Variants in ENTPD1 observed in about 807,000 individuals in gnomAD.
The protein encoded by ENTPD1 is ATP diphosphohydrolase.
ENTPD1 carries 33 observed loss-of-function variants against 57.0 expected under a neutral mutation model. The ratio of observed to expected loss-of-function variants is 0.58; its 90% CI spans 0.44 to 0.77. ENTPD1 has a LOEUF of 0.77. ENTPD1 is among the 30% of genes least tolerant of loss of function. The pLI is 0.00. For missense variants in ENTPD1, 501 were observed against 603.4 expected (o/e 0.83, Z 1.78); for synonymous variants, 202 against 218.8 (o/e 0.92, Z 0.68).
chr10:95,815,730 TC>T (rs770078685), intron 1 of ENTPD1, among the ~76,000 whole-genome samples: 4 of 152,074 alleles, frequency 2.6e-5, no homozygotes, highest in Non-Finnish European at 5.9e-5. Flanking sequence ...TCTTGCCTCA[TC>T]AGAAGAAAGA....
intron 1 of ENTPD1, chr10:95,712,050 G>A (rs2097966139): frequency 1.2e-6 from 2 of 1,611,520 alleles, no homozygotes; most frequent in Admixed American, 1.7e-5. Flanking sequence ...GAATCTGGTA[G>A]AGCCGATGGT....
chr10:95,815,137 T>C (rs570877339), intron 1 of ENTPD1, among the ~76,000 whole-genome samples: 7 of 152,324 alleles, frequency 4.6e-5, no homozygotes, highest in South Asian at 2.1e-4. Flanking sequence ...TGGAGAAATA[T>C]GGGGTTGGGG....
At position 95,866,206 on chromosome 10, in the gene ENTPD1, G is replaced by A. The variant is rs372922890; in HGVS notation, c.1356G>A (p.Leu452=). 3.1e-6 allele frequency: 5 copies of A among 1,613,940 alleles called. No individual in the cohort carries two copies. Among genetic ancestry groups the A allele is most frequent in the Non-Finnish European group, 4.2e-6 (5 of 1,179,992 alleles). Residue 452 remains leucine, a synonymous_variant, in exon 10 of 10, where the codon TTG becomes TTA. Transcript: ENST00000371205. Reference sequence around the variant, plus strand: ...AGGGCAGCGACGCCGGCTGGACTTTGGGCTACATGCTGAACCTGACCAACA... The same window carrying A: ...AGGGCAGCGACGCCGGCTGGACTTTAGGCTACATGCTGAACCTGACCAACA... ...KIQGSDAGWT[L]GYMLNLTNMI...
At chr10:95,854,857 G>A (rs1012677614) in intron 7 of ENTPD1, among the ~76,000 whole-genome samples, 10 of 152,172 alleles carry the variant, frequency 6.6e-5, no homozygotes, top group Admixed American at 2.6e-4. Flanking sequence ...TTCCAACTAT[G>A]TGGTCAATTT....
chr10:95,794,232 T>C (rs1265547027), intron 1 of ENTPD1, among the ~76,000 whole-genome samples: 1 of 152,046 alleles, frequency 6.6e-6, no homozygotes, highest in African/African-American at 2.4e-5. Flanking sequence ...TAGCAAAGAA[T>C]CACAGAGGCC....
upstream of ENTPD1, among the ~76,000 whole-genome samples, chr10:95,709,723 C>T (rs1184157466): frequency 6.6e-6 from 1 of 151,880 alleles, no homozygotes; most frequent in Non-Finnish European, 1.5e-5. Flanking sequence ...TCTTTTCCCA[C>T]TCCTGCTCCC....
the ENTPD1 span, among the ~76,000 whole-genome samples, chr10:95,694,895 A>ATTTTTTTT: frequency 5.1e-5 from 5 of 98,742 alleles, no homozygotes; most frequent in Non-Finnish European, 9.7e-5. Flanking sequence ...TGAGGAGCTG[A>ATTTTTTTT]TTTTTTTTTT....
upstream of ENTPD1, among the ~76,000 whole-genome samples, chr10:95,711,362 T>A (rs543280701): frequency 6.6e-6 from 1 of 152,346 alleles, no homozygotes; most frequent in South Asian, 2.1e-4. Flanking sequence ...ATAGACAGCA[T>A]TGCTGAGTTT....
At chr10:95,840,180 C>T (rs1202851440) in intron 3 of ENTPD1, among the ~76,000 whole-genome samples, 2 of 152,080 alleles carry the variant, frequency 1.3e-5, no homozygotes, top group African/African-American at 4.8e-5. Flanking sequence ...GAGGTTATAC[C>T]ACTTGTTTGT....
At chr10:95,839,503 G>A in intron 2 of ENTPD1, 188 bp from the exon 3 acceptor site, 2 of 670,576 alleles carry the variant, frequency 3.0e-6, no homozygotes, top group Non-Finnish European at 2.7e-6. Context: ...AGCATGAAGA[G>A]CCCCGTTCTA....
chr10:95,731,781 C>CTTTTTTTTTTTTTTTTTTTTTTTTTTTTT lies in ENTPD1; in HGVS notation c.37+19809_37+19810insTTTTTTTTTTTTTTTTTTTTTTTTTTTTT, dbSNP rs34841311. ...GGTAAGAATTAGAGGAGTGGACATC[C>CTTTTTTTTTTTTTTTTTTTTTTTTTTTTT]TTTTTTTTTTTTTTTTTTTTTGACA... is the stretch of plus-strand genomic sequence containing the variant. On this transcript the variant is annotated intron_variant, in intron 1 of 9. Transcript: ENST00000453258. 6.3e-5 allele frequency among the ~76,000 whole-genome samples: 5 copies of CTTTTTTTTTTTTTTTTTTTTTTTTTTTTT among 79,180 alleles called. 1 individual carries two copies. The highest frequency in any genetic ancestry group is 2.1e-4 in the African/African-American group (4 of 18,638). 51.9% of individuals were successfully genotyped at this position (79,180 alleles called of 152,430 possible).
At chr10:95,854,682 C>T (rs2098451374) in intron 7 of ENTPD1, among the ~76,000 whole-genome samples, 1 of 152,230 alleles carries the variant, frequency 6.6e-6, no homozygotes, top group South Asian at 2.1e-4. Context: ...GCCTTCATTT[C>T]GTTACGTACC....
intron 1 of ENTPD1, among the ~76,000 whole-genome samples, chr10:95,740,709 T>C (rs996663901): frequency 2.0e-5 from 3 of 152,232 alleles, no homozygotes; most frequent in African/African-American, 7.2e-5. Flanking sequence ...TCATCAATGA[T>C]CTTAGCATGA....
chr10:95,747,155 G>C (rs2098006889), intron 1 of ENTPD1, among the ~76,000 whole-genome samples: 1 of 152,182 alleles, frequency 6.6e-6, no homozygotes, highest in African/African-American at 2.4e-5. Flanking sequence ...CATATCTATG[G>C]CATCTCAATT....
rs113590618 is a variant in ENTPD1, at chr10:95,749,427, T to A, written c.37+37434T>A. On this transcript the variant is annotated intron_variant, in intron 1 of 9. Transcript: ENST00000453258. Reference sequence around the variant, plus strand: ...TATACTTTGGCCAGTAGGAGCCACTTAAAGTTAGCTCCTGAATCCTTTTGA... The same window carrying A: ...TATACTTTGGCCAGTAGGAGCCACTAAAAGTTAGCTCCTGAATCCTTTTGA... Among the ~76,000 whole-genome samples the A allele has an allele frequency of 2.2e-3, 329 of 152,344 alleles. 1 individual carries two copies. Among genetic ancestry groups the A allele is most frequent in the Non-Finnish European group, 3.8e-3 (259 of 68,026 alleles).
At chr10:95,770,516 A>G (rs893913605) in intron 1 of ENTPD1, among the ~76,000 whole-genome samples, 1 of 152,180 alleles carries the variant, frequency 6.6e-6, no homozygotes, top group African/African-American at 2.4e-5. Flanking sequence ...AGAGGTGTGT[A>G]ACTTCCTGGT....
Position 95,873,022 on chromosome 10 carries a change from C to G in ENTPD1, c.*6639C>G. On this transcript the variant is annotated 3_prime_UTR_variant, in exon 10 of 10. Transcript: ENST00000371205. Reference sequence around the variant, plus strand: ...TGCATCTCAAAATTTAATGTACATACAAATTACCCAGGGATTTTGTTGAAA... The same window carrying G: ...TGCATCTCAAAATTTAATGTACATAGAAATTACCCAGGGATTTTGTTGAAA... The G allele has an allele frequency of 1.0e-6, 1 of 973,838 alleles. No individual in the cohort carries two copies. The highest frequency in any genetic ancestry group is 4.8e-5 in the South Asian group (1 of 21,052). The allele number at this position is 973,838 out of a possible 1,614,324, so 60.3% of individuals were successfully genotyped here.
chr10:95,759,535 A>G (rs1452774849), intron 1 of ENTPD1, among the ~76,000 whole-genome samples: 2 of 152,240 alleles, frequency 1.3e-5, no homozygotes, highest in African/African-American at 2.4e-5. Context: ...TGAAATAAAA[A>G]CAAACACTAC....
intron 1 of ENTPD1, among the ~76,000 whole-genome samples, chr10:95,807,827 A>G (rs2098279443): frequency 6.6e-6 from 1 of 152,306 alleles, no homozygotes; most frequent in African/African-American, 2.4e-5. Flanking sequence ...GGCTGAGACC[A>G]TGGGGTTTTC....
Sources: gnomAD v4.1 joint callset for allele counts (sites outside exome capture counted in the v4.1 genomes callset) on GRCh38, gnomAD v4.1.1 for gene constraint, MANE v1.5 for transcripts, NCBI Gene and HGNC (gene_info 2026-07-23, HGNC 2026-07-21) for gene names.